The following CSMD3 variants were observed in gnomAD, a reference collection of about 807,000 sequenced individuals.
CSMD3 encodes CUB and sushi domain-containing protein 3.
CSMD3 carries 177 observed loss-of-function variants against 435.2 expected under a neutral mutation model. That is an observed-to-expected ratio of 0.41 (90% CI 0.36 to 0.46). The LOEUF is 0.46. Among genes scored for constraint, CSMD3 ranks in the 20% least tolerant of loss-of-function variants. The pLI, the probability that CSMD3 is intolerant of heterozygous loss-of-function variation, is 0.34. For synonymous variants in CSMD3, 1,656 were observed against 1,520.5 expected, an observed-to-expected ratio of 1.09 and a Z score of -2.07; for missense variants, 4,265 against 4,504.6, an observed-to-expected ratio of 0.95 and a Z score of 1.52.
chr8:112,901,278 T>A (rs1165199499), intron 10 of CSMD3, among the ~76,000 whole-genome samples: 1 of 151,310 alleles, frequency 6.6e-6, no homozygotes, highest in African/African-American at 2.4e-5. Context: ...GTTATGGCAA[T>A]CATAGGTCCA....
intron 3 of CSMD3, among the ~76,000 whole-genome samples, chr8:113,181,758 G>A (rs1274827294): frequency 1.3e-5 from 2 of 151,894 alleles, no homozygotes; most frequent in Non-Finnish European, 1.5e-5. Context: ...ACAAAAAGGA[G>A]GCATATTAGC....
intron 7 of CSMD3, among the ~76,000 whole-genome samples, chr8:112,958,603 T>C (rs904518578): frequency 4.6e-5 from 7 of 152,170 alleles, no homozygotes; most frequent in Admixed American, 6.6e-5. Context: ...AAAAAGATAT[T>C]GATTGACTCT....
At chr8:113,164,742 G>A (rs1027331340) in intron 4 of CSMD3, among the ~76,000 whole-genome samples, 2 of 151,778 alleles carry the variant, frequency 1.3e-5, no homozygotes, top group African/African-American at 4.8e-5. Context: ...AACTTCCTAC[G>A]TTAGTGAGTG....
chr8:112,274,665 A>T (rs544808575), intron 59 of CSMD3, among the ~76,000 whole-genome samples: 4 of 152,304 alleles, frequency 2.6e-5, no homozygotes, highest in African/African-American at 9.6e-5. Flanking sequence ...TTCTATACCC[A>T]GCAAAAATAT....
At chr8:112,920,443 C>G (rs1564105182) in intron 10 of CSMD3, among the ~76,000 whole-genome samples, 1 of 151,698 alleles carries the variant, frequency 6.6e-6, no homozygotes, top group Non-Finnish European at 1.5e-5. Flanking sequence ...AAACATTTAT[C>G]TCAATGAGAT....
At chr8:112,437,736 T>C (rs1814530884) in intron 32 of CSMD3, among the ~76,000 whole-genome samples, 1 of 152,154 alleles carries the variant, frequency 6.6e-6, no homozygotes, top group African/African-American at 2.4e-5. Flanking sequence ...TTTCCAGTAA[T>C]TTTTAATGTT....
chr8:113,376,672 G>T, intron 1 of CSMD3: 17 of 1,581,814 alleles, frequency 1.1e-5, no homozygotes, highest in Non-Finnish European at 1.4e-5. Flanking sequence ...CGCCATCATG[G>T]GAGTTGACAC....
intron 4 of CSMD3, among the ~76,000 whole-genome samples, chr8:113,111,592 G>C (rs6981954): frequency 0.14 from 21,524 of 152,112 alleles, 2,836 homozygotes; most frequent in African/African-American, 0.35. Context: ...TTTATCGCAT[G>C]TGTCGATTTG....
At chr8:112,253,011 T>G (rs989476026) in intron 63 of CSMD3, among the ~76,000 whole-genome samples, 8 of 151,866 alleles carry the variant, frequency 5.3e-5, no homozygotes, top group African/African-American at 1.9e-4. Context: ...TGTTTTAAAC[T>G]CCACGTTAAT....
At chr8:113,294,133 T>C (rs1254434466) in intron 2 of CSMD3, among the ~76,000 whole-genome samples, 2 of 152,020 alleles carry the variant, frequency 1.3e-5, no homozygotes, top group African/African-American at 4.8e-5. Flanking sequence ...GCCAAATATA[T>C]ATGATTCACT....
intron 7 of CSMD3, among the ~76,000 whole-genome samples, chr8:112,962,544 A>G (rs191920995): frequency 6.6e-6 from 1 of 151,830 alleles, no homozygotes; most frequent in South Asian, 2.1e-4. Context: ...CAAAAAAAAA[A>G]TACAGAAAGA....
chr8:112,727,454 T>A (rs573605731), intron 13 of CSMD3, among the ~76,000 whole-genome samples: 1 of 151,958 alleles, frequency 6.6e-6, no homozygotes, highest in East Asian at 1.9e-4. Context: ...TGAATTAAAC[T>A]AACAAAGAGG....
chr8:112,364,612 T>G (rs1827584993), intron 38 of CSMD3, among the ~76,000 whole-genome samples: 1 of 152,040 alleles, frequency 6.6e-6, no homozygotes, highest in Admixed American at 6.6e-5. Flanking sequence ...ATATTCATAT[T>G]ACAATCAGGC....
At chr8:112,735,036 G>A (rs943934137) in intron 13 of CSMD3, among the ~76,000 whole-genome samples, 1 of 151,932 alleles carries the variant, frequency 6.6e-6, no homozygotes, top group Non-Finnish European at 1.5e-5. Context: ...TTTGATTGTA[G>A]CAGAGAACAT....
chr8:112,310,491 CTGTTG>C (rs1339126864), intron 50 of CSMD3: 4 of 176,978 alleles, frequency 2.3e-5, no homozygotes, highest in Admixed American at 5.5e-5. Flanking sequence ...TTTGATATCT[CTGTTG>C]TGTTATCTGT....
At chr8:112,670,958 A>G (rs2075641635) in intron 16 of CSMD3, among the ~76,000 whole-genome samples, 1 of 152,170 alleles carries the variant, frequency 6.6e-6, no homozygotes, top group Non-Finnish European at 1.5e-5. Context: ...TTTTAATTTA[A>G]TAAAATTAAG....
chr8:112,384,116 C>A (rs1829727842), intron 36 of CSMD3, among the ~76,000 whole-genome samples: 1 of 152,046 alleles, frequency 6.6e-6, no homozygotes, highest in Admixed American at 6.6e-5. Flanking sequence ...CTTTTTAAAA[C>A]CAGGTTTATT....
chr8:112,406,357 T>C (rs756817401), intron 35 of CSMD3, among the ~76,000 whole-genome samples, 167 bp downstream of exon 35: 4 of 152,044 alleles, frequency 2.6e-5, no homozygotes, highest in South Asian at 2.1e-4. Context: ...ACCAAGACAA[T>C]TGCAACAAAT....
At chr8:112,476,792 T>C (rs541381022) in intron 31 of CSMD3, among the ~76,000 whole-genome samples, 20 of 152,270 alleles carry the variant, frequency 1.3e-4, no homozygotes, top group African/African-American at 1.9e-4. Context: ...AAGAATCAAT[T>C]TGTTGCTCAT....
Sources: allele counts gnomAD v4.1 joint callset (sites outside exome capture counted in the v4.1 genomes callset), GRCh38; gene constraint gnomAD v4.1.1; transcripts MANE v1.5; gene names NCBI Gene and HGNC (gene_info 2026-07-23, HGNC 2026-07-21).